TRIM47: variants seen among roughly 807,000 people sequenced by gnomAD.
TRIM47 encodes tripartite motif containing 47.
TRIM47 carries 46 observed loss-of-function variants against 54.4 expected under a neutral mutation model. The observed-to-expected ratio is 0.84, with a 90% CI of 0.67 to 1.08. The LOEUF is 1.08. Ranked by LOEUF, TRIM47 falls within the 50% of genes least tolerant of loss-of-function variation. The pLI is 0.00. For missense variants in TRIM47, 825 were observed against 910.1 expected (o/e 0.91, Z 1.20); for synonymous variants, 392 against 410.2 (o/e 0.96, Z 0.54).
chr17:75,876,029 C>G lies in TRIM47; in HGVS notation c.1073G>C (p.Ser358Thr). ...GPGPGPPREL[S>T]FTKSSQAVRA... ...GACAGCTTGGGATGATTTGGTGAAG[C>G]TGAGCTCCCTCGGGGGTCCAGGCCC... The change falls in exon 4 of 6, where the codon AGC (serine) becomes ACC (threonine). Residue 358 changes from serine (S) to threonine (T), a missense_variant. By Grantham distance (58) the Ser-to-Thr change is moderately conservative (BLOSUM62 1). Coordinates refer to ENST00000254816, the MANE Select transcript of TRIM47 (RefSeq NM_033452.3). The G allele has an allele frequency of 6.2e-7, 1 of 1,603,868 alleles. No individual in the cohort carries two copies. The highest frequency in any genetic ancestry group is 8.5e-7 in the Non-Finnish European group (1 of 1,179,968).
Position 75,875,753 on chromosome 17 carries a change from G to T in TRIM47, c.1201+148C>A. The T allele has an allele frequency of 1.1e-6, 1 of 948,186 alleles. No individual in the cohort carries two copies. The highest frequency in any genetic ancestry group is 1.6e-6 in the Non-Finnish European group (1 of 639,462). 58.7% of individuals were successfully genotyped at this position (948,186 alleles called of 1,614,324 possible). Reference sequence around the variant, plus strand: ...AGGGGCTGATTGATCCCCACAGGGTGGCAGCTCTAGTCACTGGCAGGATTT... The same window carrying T: ...AGGGGCTGATTGATCCCCACAGGGTTGCAGCTCTAGTCACTGGCAGGATTT... On this transcript the variant is annotated intron_variant, in intron 4 of 5. Coordinates refer to ENST00000254816, the MANE Select transcript of TRIM47 (RefSeq NM_033452.3). The surrounding 1 kb of genome is among the most constrained non-coding windows in gnomAD (Gnocchi z 6.1).
rs779773375 is a variant in TRIM47 at position 75,876,389 on chromosome 17, C to G, written c.875G>C (p.Gly292Ala). 2 of 1,612,414 alleles carry G rather than the reference C, an allele frequency of 1.2e-6. No individual in the cohort carries two copies. The highest frequency in any genetic ancestry group is 8.5e-7 in the Non-Finnish European group (1 of 1,180,012). ...GGAGCGGCCTAGCATGGCAGCTTCCCCCTCCTCGATGAAGCCCAGCACCTG... is the reference window on the plus strand; with the variant it reads ...GGAGCGGCCTAGCATGGCAGCTTCCGCCTCCTCGATGAAGCCCAGCACCTG... ...QTQVLGFIEEGEAAMLGRSQG... is the reference protein window; with the variant it reads ...QTQVLGFIEEAEAAMLGRSQG... Residue 292 changes from glycine (G) to alanine (A), a missense_variant, in exon 3 of 6, where the codon GGG becomes GCG. Physicochemically the swap from Gly to Ala is moderately conservative, Grantham distance 60. Coordinates refer to ENST00000254816, the MANE Select transcript of TRIM47 (RefSeq NM_033452.3).
In TRIM47 at chr17:75,875,040, A is replaced by G. The variant is rs780234241; in HGVS notation, c.1360T>C (p.Cys454Arg). 5 of 1,613,846 alleles carry G rather than the reference A, an allele frequency of 3.1e-6. No homozygotes were observed. The highest frequency in any genetic ancestry group is 3.4e-6 in the Non-Finnish European group (4 of 1,179,766). ...FGTKGVKRVL[C>R]PINYPLSPTR... Reference sequence around the variant, plus strand: ...GGCGACAAGGGGTAGTTGATAGGACACAGCACCCTCTTGACACCTTTGGTT... The same window carrying G: ...GGCGACAAGGGGTAGTTGATAGGACGCAGCACCCTCTTGACACCTTTGGTT... The change falls in exon 6 of 6, where the codon TGT becomes CGT. Residue 454 changes from cysteine to arginine, a missense_variant. Transcript: ENST00000254816. This position sits in a 1 kb window ranked among gnomAD's most constrained non-coding sequence, Gnocchi z 6.1.
In TRIM47 at chr17:75,875,931, C is replaced by T. The variant is rs764120957; in HGVS notation, c.1171G>A (p.Glu391Lys). 20 of 1,611,878 alleles carry T rather than the reference C, an allele frequency of 1.2e-5. No homozygotes were observed. In the East Asian group the frequency reaches 1.3e-4, roughly 11 times the overall value. The change falls in exon 4 of 6, where the codon GAG (glutamate) becomes AAG (lysine). Residue 391 changes from glutamate (E) to lysine (K), a missense_variant. Glu to Lys is a moderately conservative substitution (Grantham distance 56). Transcript: ENST00000254816. This position sits in a 1 kb window ranked among gnomAD's most constrained non-coding sequence, Gnocchi z 6.1. The stretch of plus-strand genomic sequence containing the variant: ...GAGTCCAGCTTCTGTGGCCCATCCT[C>T]GTTGCCACCCGGCCCCCTCAGCTGC... ...WEQLRGPGGNEDGPQKLDSEA... is the reference protein window; with the variant it reads ...WEQLRGPGGNKDGPQKLDSEA...
chr17:75,876,065 C>T lies in TRIM47; in HGVS notation c.1037G>A (p.Gly346Glu), dbSNP rs751247026. Residue 346 changes from glycine (G) to glutamate (E), a missense_variant, in exon 4 of 6, where the codon GGG becomes GAG. Transcript: ENST00000254816. ...CGGGGGTCCAGGCCCAGGGCCACAC[C>T]CATCCTCCAGGGCCAGCCTTAGTGC... Reference protein sequence around the residue: ...LLALRLALEDGCGPGPGPPRE... With the variant: ...LLALRLALEDECGPGPGPPRE... 1 of 1,601,894 alleles carries T rather than the reference C, an allele frequency of 6.2e-7. No homozygotes were observed. Among genetic ancestry groups the T allele is most frequent in the Non-Finnish European group, 8.5e-7 (1 of 1,179,964 alleles).
In TRIM47 at chr17:75,875,353, C is replaced by G; in HGVS notation, c.1276+47G>C. ...GCCCTGCTGGGACCAGCCCAGCAGCCCTGGGAGGGCCCAGTGTGAGTGGAG... is the reference window on the plus strand; with the variant it reads ...GCCCTGCTGGGACCAGCCCAGCAGCGCTGGGAGGGCCCAGTGTGAGTGGAG... On this transcript the variant is annotated intron_variant, in intron 5 of 5. Transcript: ENST00000254816. The surrounding 1 kb of genome is among the most constrained non-coding windows in gnomAD (Gnocchi z 6.1). The G allele has an allele frequency of 1.3e-6, 2 of 1,595,290 alleles. No homozygotes were observed. The highest frequency in any genetic ancestry group is 4.5e-5 in the East Asian group (2 of 44,760).
chr17:75,876,571 G>C, intron 2 of TRIM47, 79 bp from the exon 3 acceptor site: 1 of 1,503,180 alleles, frequency 6.7e-7, no homozygotes, highest in East Asian at 2.4e-5. Context: ...CCTGACCCCG[G>C]CTTCCCACCG....
Position 75,875,253 on chromosome 17 carries a change from C to T in TRIM47, c.1277-130G>A. 7.0e-7 allele frequency: 1 copy of T among 1,425,874 alleles called. No individual in the cohort carries two copies. The highest frequency in any genetic ancestry group is 9.6e-7 in the Non-Finnish European group (1 of 1,046,088). 88.3% of individuals were successfully genotyped at this position (1,425,874 alleles called of 1,614,324 possible). ...TTCCAACCGGCACAACCCAGCCCCG[C>T]CGGGGACCACCCCAGGAGCTGCCCT... On this transcript the variant is annotated intron_variant, in intron 5 of 5. Coordinates refer to ENST00000254816, the MANE Select transcript of TRIM47 (RefSeq NM_033452.3). This position sits in a 1 kb window ranked among gnomAD's most constrained non-coding sequence, Gnocchi z 6.1.
At position 75,876,361 on chromosome 17, in the gene TRIM47, C is replaced by G. The variant is rs760024981; in HGVS notation, c.903G>C (p.Gln301His). 5 of 1,612,160 alleles carry G rather than the reference C, an allele frequency of 3.1e-6. No homozygotes were observed. The highest frequency in any genetic ancestry group is 4.2e-6 in the Non-Finnish European group (5 of 1,179,946). ...EGEAAMLGRS[Q>H]GDLRRQEEQR... is the part of the protein sequence containing the mutation. ...GTTCCTCCTGTCGCCGCAGGTCACC[C>G]TGGGAGCGGCCTAGCATGGCAGCTT... The change falls in exon 3 of 6, where the codon CAG becomes CAC. Residue 301 changes from glutamine to histidine, a missense_variant. Gln to His is a conservative substitution (Grantham distance 24, BLOSUM62 0). Transcript: ENST00000254816.
chr17:75,875,975 G>A lies in TRIM47; in HGVS notation c.1127C>T (p.Ala376Val). ...VRAVRDMLAV[A>V]CVNQWEQLRG... ...CAGCTGCTCCCACTGGTTGACGCAG[G>A]CCACGGCCAGCATGTCTCTCACTGC... is the stretch of plus-strand genomic sequence containing the variant. Residue 376 changes from alanine (A) to valine (V), a missense_variant, in exon 4 of 6, where the codon GCC becomes GTC. By Grantham distance (64) the Ala-to-Val change is moderately conservative. Transcript: ENST00000254816. This position sits in a 1 kb window ranked among gnomAD's most constrained non-coding sequence, Gnocchi z 6.1. 3 of 1,608,786 alleles carry A rather than the reference G, an allele frequency of 1.9e-6. No individual in the cohort carries two copies. The highest frequency in any genetic ancestry group is 2.5e-6 in the Non-Finnish European group (3 of 1,179,986).
chr17:75,878,537 A>G lies in TRIM47; in HGVS notation c.12T>C (p.Ser4=). 7.7e-7 allele frequency: 1 copy of G among 1,296,772 alleles called. No individual in the cohort carries two copies. The allele number at this position is 1,296,772 out of a possible 1,614,324, so 80.3% of individuals were successfully genotyped here. Residue 4 remains serine, a synonymous_variant, in exon 1 of 6, where the codon AGT becomes AGC. Transcript: ENST00000254816. The part of the protein sequence containing the change: MDG[S]GPFSCPICLE... ...GGCAGATGGGGCAGCTGAAGGGTCC[A>G]CTGCCGTCCATGACTCCGCGGCCGC...
rs1282488680 is a variant in TRIM47 at position 75,875,278 on chromosome 17, T to C, written c.1276+122A>G. 1.5e-6 allele frequency: 2 copies of C among 1,343,660 alleles called. No homozygotes were observed. Among genetic ancestry groups the C allele is most frequent in the Admixed American group, 4.0e-5 (2 of 50,574 alleles). The allele number at this position is 1,343,660 out of a possible 1,614,324, so 83.2% of individuals were successfully genotyped here. A position where few individuals can be genotyped will look rare whatever the true frequency, so the allele number is the denominator to read the frequency against. On this transcript the variant is annotated intron_variant, in intron 5 of 5. Coordinates refer to ENST00000254816, the MANE Select transcript of TRIM47 (RefSeq NM_033452.3). This position sits in a 1 kb window ranked among gnomAD's most constrained non-coding sequence, Gnocchi z 6.1. ...CCGGGGACCACCCCAGGAGCTGCCC[T>C]AGCTCTCCCCACAAACTGGGGAGAG...
chr17:75,877,487 A>G (rs1184878299), intron 1 of TRIM47: 1 of 241,642 alleles, frequency 4.1e-6, no homozygotes, highest in Non-Finnish European at 7.5e-6. Context: ...TGCCACACCC[A>G]TCGAAAGCTG....
intron 1 of TRIM47, chr17:75,877,634 A>T: frequency 8.3e-7 from 1 of 1,211,374 alleles, no homozygotes; most frequent in Non-Finnish European, 1.0e-6. Context: ...GCCCGGCTTC[A>T]GGTCCCCTGC....
rs2065147006 is a variant in TRIM47, at chr17:75,878,115, A to AGGCAGGACAGCGCGGCG, written c.417_433dup (p.Leu145ProfsTer39). 1 of 1,286,116 alleles carries AGGCAGGACAGCGCGGCG rather than the reference A, an allele frequency of 7.8e-7. No individual in the cohort carries two copies. Among genetic ancestry groups the AGGCAGGACAGCGCGGCG allele is most frequent in the South Asian group, 2.4e-5 (1 of 40,970 alleles). The allele number at this position is 1,286,116 out of a possible 1,614,324, so 79.7% of individuals were successfully genotyped here. A position where few individuals can be genotyped will look rare whatever the true frequency, so the allele number is the denominator to read the frequency against. On this transcript the variant is annotated frameshift_variant, in exon 1 of 6. Transcript: ENST00000254816. LOFTEE classifies it high-confidence loss of function. ...GGGGCAAAAGGAGGCGAGGCAGGAG[A>AGGCAGGACAGCGCGGCG]GGCAGGACAGCGCGGCGGGCAGGGC...
At position 75,874,465 on chromosome 17, in the gene TRIM47, G is replaced by C; in HGVS notation, c.*18C>G. 6.7e-7 allele frequency: 1 copy of C among 1,489,476 alleles called. No homozygotes were observed. The highest frequency in any genetic ancestry group is 2.5e-4 in the Middle Eastern group (1 of 4,060). The allele number at this position is 1,489,476 out of a possible 1,614,324, so 92.3% of individuals were successfully genotyped here. A position where few individuals can be genotyped will look rare whatever the true frequency, so the allele number is the denominator to read the frequency against. ...CTTCCTGGAGCAGAGACGGCAGCAG[G>C]AGCGCCCGTGCCCGGCATCACCTCC... On this transcript the variant is annotated 3_prime_UTR_variant, in exon 6 of 6. Coordinates refer to ENST00000254816, the MANE Select transcript of TRIM47 (RefSeq NM_033452.3). The surrounding 1 kb of genome is among the most constrained non-coding windows in gnomAD (Gnocchi z 6.2).
In TRIM47 at chr17:75,877,539, C is replaced by A. The variant is rs77354500; in HGVS notation, c.675+335G>T. 2.4e-3 allele frequency: 1,199 copies of A among 504,626 alleles called. 15 individuals are homozygous for A. The highest frequency in any genetic ancestry group is 0.021 in the African/African-American group (1,076 of 50,130). The allele number at this position is 504,626 out of a possible 1,614,324, so 31.3% of individuals were successfully genotyped here. A position where few individuals can be genotyped will look rare whatever the true frequency, so the allele number is the denominator to read the frequency against. ...CAAATCTGAGCTGAGACCGGCGTGA[C>A]CCTCCGGGCGGGAGCAGCAGCCACG... On this transcript the variant is annotated intron_variant, in intron 1 of 5. Coordinates refer to ENST00000254816, the MANE Select transcript of TRIM47 (RefSeq NM_033452.3).
At chr17:75,877,691 T>C in intron 1 of TRIM47, 183 bp downstream of exon 1, 3 of 1,235,058 alleles carry the variant, frequency 2.4e-6, no homozygotes, top group Non-Finnish European at 3.0e-6. Context: ...CCTTCCTCCC[T>C]TCCCATCTCC....
At chr17:75,877,121 G>C (rs2065140458) in intron 1 of TRIM47, 2 of 395,176 alleles carry the variant, frequency 5.1e-6, no homozygotes, top group African/African-American at 2.0e-5. Context: ...AACTTCCTCC[G>C]GCGGGGAAGA....
Sources: allele counts gnomAD v4.1 joint callset, GRCh38; gene constraint gnomAD v4.1.1; non-coding constraint Gnocchi (gnomAD v3.1); transcripts MANE v1.5; gene names NCBI Gene and HGNC (gene_info 2026-07-23, HGNC 2026-07-21).